CRY1: variants seen among roughly 807,000 people sequenced by gnomAD.
CRY1 encodes the protein cryptochrome-1.
Under a neutral mutation model 76.0 loss-of-function variants are expected in CRY1, and 45 were observed. The ratio of observed to expected loss-of-function variants is 0.59; its 90% CI spans 0.47 to 0.76. The LOEUF is 0.76. Among genes scored for constraint, CRY1 ranks in the 30% least tolerant of loss-of-function variants. CRY1 has a pLI of 0.00. For synonymous variants in CRY1, 248 were observed against 244.0 expected, an observed-to-expected ratio of 1.02 and a Z score of -0.15; for missense variants, 587 against 716.4, an observed-to-expected ratio of 0.82 and a Z score of 2.06.
rs1593527918 is a variant in CRY1, at chr12:107,054,474, G to T, written c.159-32282C>A. On this transcript the variant is annotated intron_variant, in intron 1 of 12. Coordinates refer to ENST00000008527, the MANE Select transcript of CRY1 (RefSeq NM_004075.5). ...TAAAAGAATATTAAAAAATAGAACA[G>T]GAAGGACAAAAAGAAAACACAAAAT... is the stretch of plus-strand genomic sequence containing the variant. Among the ~76,000 whole-genome samples the T allele has an allele frequency of 4.6e-5, 7 of 150,782 alleles. No individual in the cohort carries two copies. The South Asian group carries it at 1.3e-3, about 27-fold the overall frequency.
At chr12:107,066,061 AG>A in intron 1 of CRY1, among the ~76,000 whole-genome samples, 1 of 152,202 alleles carries the variant, frequency 6.6e-6, no homozygotes, top group Admixed American at 6.5e-5. Context: ...CTGACTACAC[AG>A]TCGTACAACC....
At chr12:107,087,511 T>C (rs141101269) in intron 1 of CRY1, among the ~76,000 whole-genome samples, 1,755 of 152,374 alleles carry the variant, frequency 0.012, 19 homozygotes, top group Non-Finnish European at 0.018. Context: ...ATGTCTGCCC[T>C]TGTAGGTTTC....
chr12:107,015,344 CTTT>C (rs3835384), intron 2 of CRY1, among the ~76,000 whole-genome samples: 2 of 145,342 alleles, frequency 1.4e-5, no homozygotes, highest in Admixed American at 6.8e-5. Context: ...CCTATCTACT[CTTT>C]TTTTTTTTTT....
chr12:107,060,068 T>C (rs866550758), intron 1 of CRY1, among the ~76,000 whole-genome samples: 2 of 152,226 alleles, frequency 1.3e-5, no homozygotes, highest in East Asian at 1.9e-4. Context: ...GAACAAAATA[T>C]TGATATTATA....
chr12:107,047,004 A>C (rs1425098147), intron 1 of CRY1, among the ~76,000 whole-genome samples: 1 of 152,194 alleles, frequency 6.6e-6, no homozygotes, highest in East Asian at 1.9e-4. Context: ...CACTGGACTT[A>C]AACTGCACTC....
intron 2 of CRY1, among the ~76,000 whole-genome samples, chr12:107,020,873 C>T (rs541647571): frequency 6.1e-4 from 93 of 152,272 alleles, no homozygotes; most frequent in Non-Finnish European, 8.8e-5. Context: ...GTTGTATGAT[C>T]TTGGGCAACT....
At chr12:106,995,496 A>T (rs1037608148) in intron 10 of CRY1, among the ~76,000 whole-genome samples, 2 of 152,164 alleles carry the variant, frequency 1.3e-5, no homozygotes, top group Non-Finnish European at 2.9e-5. Flanking sequence ...ACAGTTGTAA[A>T]GTTAGTACAA....
intron 3 of CRY1, among the ~76,000 whole-genome samples, chr12:107,004,245 G>T (rs1161444777): frequency 6.6e-6 from 1 of 152,104 alleles, no homozygotes. Flanking sequence ...AAAGATATAT[G>T]AATTCTAGCT....
At chr12:107,015,710 G>A (rs953061593) in intron 2 of CRY1, among the ~76,000 whole-genome samples, 11 of 151,998 alleles carry the variant, frequency 7.2e-5, no homozygotes, top group Admixed American at 3.9e-4. Flanking sequence ...TTGAGCGAGG[G>A]TCTTGCTCTG....
intron 1 of CRY1, among the ~76,000 whole-genome samples, chr12:107,051,525 C>A (rs1331697950): frequency 6.6e-6 from 1 of 151,930 alleles, no homozygotes; most frequent in Non-Finnish European, 1.5e-5. Flanking sequence ...TTGAAGCCTC[C>A]CAAATTTAAT....
intron 1 of CRY1, among the ~76,000 whole-genome samples, chr12:107,056,156 A>G (rs879602792): frequency 6.6e-6 from 1 of 152,212 alleles, no homozygotes; most frequent in African/African-American, 2.4e-5. Flanking sequence ...AAAGCCTAGA[A>G]CCAGCTCAAG....
chr12:106,999,494 T>C, intron 7 of CRY1, 57 bp downstream of exon 7: 2 of 1,471,834 alleles, frequency 1.4e-6, no homozygotes, highest in African/African-American at 1.4e-5. Context: ...AGGATTTGTT[T>C]TATTAAGGTA....
chr12:106,997,715 C>G (rs902327898), intron 8 of CRY1, 25 bp from the exon 9 acceptor site: 1 of 1,611,448 alleles, frequency 6.2e-7, no homozygotes, highest in Non-Finnish European at 8.5e-7. Context: ...AGAAAGATTA[C>G]TAATAAAATG....
At chr12:107,091,026 T>C (rs572739781) in intron 1 of CRY1, among the ~76,000 whole-genome samples, 2 of 151,998 alleles carry the variant, frequency 1.3e-5, no homozygotes, top group African/African-American at 2.4e-5. Context: ...GCTTTTTATA[T>C]AGCACCAAAC....
chr12:107,076,469 G>A (rs960518361), intron 1 of CRY1, among the ~76,000 whole-genome samples: 3 of 151,970 alleles, frequency 2.0e-5, no homozygotes, highest in African/African-American at 4.8e-5. Flanking sequence ...AAATTAGCCA[G>A]GCATGGTGGC....
intron 1 of CRY1, among the ~76,000 whole-genome samples, chr12:107,057,619 T>C (rs1383543624): frequency 1.3e-5 from 2 of 152,134 alleles, no homozygotes; most frequent in Non-Finnish European, 2.9e-5. Context: ...TACTCCTAGC[T>C]ACTTGGGAGG....
chr12:107,000,444 C>A (rs967787641), intron 5 of CRY1, among the ~76,000 whole-genome samples: 16 of 151,264 alleles, frequency 1.1e-4, no homozygotes, highest in Admixed American at 6.6e-4. Flanking sequence ...CTCCAGCTCC[C>A]GGGTGGAGGA....
chr12:107,070,666 T>TTTTA (rs376585116), intron 1 of CRY1, among the ~76,000 whole-genome samples: 9,268 of 139,616 alleles, frequency 0.066, 342 homozygotes, highest in Admixed American at 0.081. Flanking sequence ...ATTCTCTTAT[T>TTTTA]TTTATTTATT....
At chr12:107,077,362 T>C (rs1435969479) in intron 1 of CRY1, among the ~76,000 whole-genome samples, 1 of 152,238 alleles carries the variant, frequency 6.6e-6, no homozygotes, top group African/African-American at 2.4e-5. Flanking sequence ...TTCATCTTTG[T>C]ATCTCCAATG....
Sources: allele counts gnomAD v4.1 joint callset (sites outside exome capture counted in the v4.1 genomes callset), GRCh38; gene constraint gnomAD v4.1.1; transcripts MANE v1.5; gene names NCBI Gene and HGNC (gene_info 2026-07-23, HGNC 2026-07-21).